Variants in PPARGC1B observed in about 807,000 individuals in gnomAD.
PPARGC1B encodes the protein peroxisome proliferator-activated receptor gamma coactivator 1-beta.
Under a neutral mutation model 101.6 loss-of-function variants are expected in PPARGC1B, and 34 were observed. That is an observed-to-expected ratio of 0.33 (90% CI 0.25 to 0.45). PPARGC1B has a LOEUF of 0.45. Ranked by LOEUF, PPARGC1B falls within the 20% of genes least tolerant of loss-of-function variation. The pLI is 1.00. For synonymous variants in PPARGC1B, 548 were observed against 539.3 expected (o/e 1.02, Z -0.22); for missense variants, 1,234 against 1,317.6 (o/e 0.94, Z 0.98).
downstream of PPARGC1B, among the ~76,000 whole-genome samples, chr5:149,856,513 T>A (rs1759955848): frequency 6.6e-6 from 1 of 152,146 alleles, no homozygotes; most frequent in South Asian, 2.1e-4. Context: ...GTGCAAGGAA[T>A]AGGATGGCAG....
intron 8 of PPARGC1B, among the ~76,000 whole-genome samples, chr5:149,839,683 T>TG (rs1443412047): frequency 6.6e-6 from 1 of 151,986 alleles, no homozygotes. Flanking sequence ...TAAAACCTCA[T>TG]GGGGTTTAAA....
At chr5:149,843,611 C>T (rs928252764) in intron 10 of PPARGC1B, among the ~76,000 whole-genome samples, 1 of 152,114 alleles carries the variant, frequency 6.6e-6, no homozygotes, top group Non-Finnish European at 1.5e-5. Flanking sequence ...AACCTAGAAC[C>T]CCCATCTGAT....
chr5:149,823,611 C>G (rs996632993), intron 2 of PPARGC1B, among the ~76,000 whole-genome samples: 2 of 152,046 alleles, frequency 1.3e-5, no homozygotes, highest in East Asian at 3.9e-4. Flanking sequence ...CTGTGCTGAG[C>G]AGGGAGAGCC....
chr5:149,770,381 G>T (rs1242346870), intron 1 of PPARGC1B, among the ~76,000 whole-genome samples: 1 of 152,124 alleles, frequency 6.6e-6, no homozygotes, highest in East Asian at 1.9e-4. Flanking sequence ...GCCCCTCAAA[G>T]TATAAAGACG....
intron 1 of PPARGC1B, among the ~76,000 whole-genome samples, chr5:149,731,807 C>T (rs1282702696): frequency 6.6e-6 from 1 of 152,174 alleles, no homozygotes; most frequent in Non-Finnish European, 1.5e-5. Flanking sequence ...GCAGCGACTT[C>T]GGGCTGGCGG....
intron 1 of PPARGC1B, among the ~76,000 whole-genome samples, chr5:149,754,317 C>G (rs921783987): frequency 6.6e-6 from 1 of 152,122 alleles, no homozygotes; most frequent in Non-Finnish European, 1.5e-5. Flanking sequence ...TTGCGTGCCC[C>G]CCTCCCCTGG....
At chr5:149,755,040 C>CATATATATATAT (rs761461783) in intron 1 of PPARGC1B, among the ~76,000 whole-genome samples, 30 of 85,226 alleles carry the variant, frequency 3.5e-4, no homozygotes, top group African/African-American at 1.5e-3. Context: ...ACTACATATA[C>CATATATATATAT]ATATACATAT....
rs1007766733 is a variant in PPARGC1B at position 149,836,572 on chromosome 5, G to A, written c.2117G>A (p.Arg706Lys). ...QVLRPEGVLQ[R>K]KVLRSWEPSG... ...CTCCGACCAGAAGGCGTCCTGCAAAGGAAGGTGCTGAGGTCCTGGGAGCCG... is the reference window on the plus strand; with the variant it reads ...CTCCGACCAGAAGGCGTCCTGCAAAAGAAGGTGCTGAGGTCCTGGGAGCCG... The change falls in exon 8 of 12, where the codon AGG becomes AAG. Residue 706 changes from arginine to lysine, a missense_variant. Coordinates refer to ENST00000309241, the MANE Select transcript of PPARGC1B (RefSeq NM_133263.4). The A allele has an allele frequency of 6.2e-7, 1 of 1,613,784 alleles. No homozygotes were observed. Among genetic ancestry groups the A allele is most frequent in the African/African-American group, 1.3e-5 (1 of 74,948 alleles).
chr5:149,794,190 C>T (rs1419970413), intron 1 of PPARGC1B, among the ~76,000 whole-genome samples: 2 of 152,152 alleles, frequency 1.3e-5, no homozygotes, highest in East Asian at 3.9e-4. Flanking sequence ...TAGAGAAAGA[C>T]TGGGAGGTGT....
chr5:149,786,581 C>G (rs527789833), intron 1 of PPARGC1B, among the ~76,000 whole-genome samples: 2 of 152,270 alleles, frequency 1.3e-5, no homozygotes, highest in African/African-American at 4.8e-5. Context: ...GGGGCAGGAG[C>G]CAAGATCCAG....
chr5:149,784,560 C>CTTTTTTTTTTTTT lies in PPARGC1B; in HGVS notation c.79-35862_79-35850dup, dbSNP rs72364863. 2.9e-3 allele frequency among the ~76,000 whole-genome samples: 217 copies of CTTTTTTTTTTTTT among 75,702 alleles called. 18 individuals carry two copies. The highest frequency in any genetic ancestry group is 4.1e-3 in the Non-Finnish European group (172 of 42,370). 49.7% of individuals were successfully genotyped at this position (75,702 alleles called of 152,430 possible). A position where few individuals can be genotyped will look rare whatever the true frequency, so the allele number is the denominator to read the frequency against. On this transcript the variant is annotated intron_variant, in intron 1 of 11. Coordinates refer to ENST00000309241, the MANE Select transcript of PPARGC1B (RefSeq NM_133263.4). ...AGCCTCACTCCAGCCAACTGAGTTT[C>CTTTTTTTTTTTTT]TTTTTTTTTTTTTTTTTTTTTTTCT...
intron 1 of PPARGC1B, among the ~76,000 whole-genome samples, chr5:149,790,561 A>G (rs1180082011): frequency 6.6e-6 from 1 of 152,116 alleles, no homozygotes; most frequent in Admixed American, 6.5e-5. Flanking sequence ...AAAATATTAT[A>G]ATACTAGGAG....
chr5:149,802,371 C>T (rs952027982), intron 1 of PPARGC1B, among the ~76,000 whole-genome samples: 8 of 152,134 alleles, frequency 5.3e-5, no homozygotes, highest in East Asian at 1.9e-4. Flanking sequence ...GCCTGCCTCC[C>T]GGGATTCAGA....
chr5:149,827,006 T>C, intron 3 of PPARGC1B, 121 bp downstream of exon 3: 4 of 791,100 alleles, frequency 5.1e-6, no homozygotes, highest in Non-Finnish European at 8.3e-6. Flanking sequence ...TCACTGGCAA[T>C]ATTGATCACA....
intron 1 of PPARGC1B, among the ~76,000 whole-genome samples, chr5:149,746,211 C>T (rs1755083670): frequency 6.6e-6 from 1 of 152,220 alleles, no homozygotes; most frequent in Admixed American, 6.5e-5. Flanking sequence ...CGGCAACGCT[C>T]TTCCCAGGCA....
chr5:149,772,755 G>A (rs1357364808), intron 1 of PPARGC1B, among the ~76,000 whole-genome samples: 1 of 152,120 alleles, frequency 6.6e-6, no homozygotes, highest in African/African-American at 2.4e-5. Flanking sequence ...GAGGTAGTGG[G>A]TTTAGGGCTT....
chr5:149,833,611 C>A lies in PPARGC1B; in HGVS notation c.1538C>A (p.Pro513His). Residue 513 changes from proline to histidine, a missense_variant, in exon 5 of 12, where the codon CCC (proline) becomes CAC (histidine). By Grantham distance (77) the Pro-to-His change is moderately conservative. Transcript: ENST00000309241. The surrounding 1 kb of genome is among the most constrained non-coding windows in gnomAD (Gnocchi z 4.1). Reference sequence around the variant, plus strand: ...GCTCTGCCCTCACTGTGCCTGGCTCCCAAGGCCTACGACGTAGAGCGGGAG... The same window carrying A: ...GCTCTGCCCTCACTGTGCCTGGCTCACAAGGCCTACGACGTAGAGCGGGAG... ...QGALPSLCLA[P>H]KAYDVERELG... The A allele has an allele frequency of 6.2e-7, 1 of 1,608,528 alleles. No homozygotes were observed.
intron 1 of PPARGC1B, among the ~76,000 whole-genome samples, chr5:149,766,452 A>G (rs778007495): frequency 2.6e-5 from 4 of 152,194 alleles, no homozygotes; most frequent in South Asian, 2.1e-4. Flanking sequence ...CAATATTATT[A>G]GTGTCATGTA....
At chr5:149,807,276 G>T (rs959647066) in intron 1 of PPARGC1B, among the ~76,000 whole-genome samples, 1 of 151,994 alleles carries the variant, frequency 6.6e-6, no homozygotes, top group Non-Finnish European at 1.5e-5. Flanking sequence ...TCCTCCCAAA[G>T]TCAGGTACTT....
Sources: allele counts gnomAD v4.1 joint callset (sites outside exome capture counted in the v4.1 genomes callset), GRCh38; gene constraint gnomAD v4.1.1; non-coding constraint Gnocchi (gnomAD v3.1); transcripts MANE v1.5; gene names NCBI Gene and HGNC (gene_info 2026-07-23, HGNC 2026-07-21).